IL6ST: variants seen among roughly 807,000 people sequenced by gnomAD.
IL6ST encodes interleukin-6 receptor subunit beta.
In IL6ST, 24 loss-of-function variants were observed where a neutral mutation model predicts 91.3. That is an observed-to-expected ratio of 0.26 (90% CI 0.19 to 0.37). The LOEUF (loss-of-function observed/expected upper bound fraction) is 0.37, where lower values mean the gene tolerates loss of function less well. Among genes scored for constraint, IL6ST ranks in the 10% least tolerant of loss-of-function variants. The pLI is 1.00. For synonymous variants in IL6ST, 351 were observed against 373.6 expected, an observed-to-expected ratio of 0.94 and a Z score of 0.70; for missense variants, 914 against 1,078.5, an observed-to-expected ratio of 0.85 and a Z score of 2.14.
chr5:55,988,908 CA>C (rs1478788216), intron 1 of IL6ST, among the ~76,000 whole-genome samples: 1 of 150,598 alleles, frequency 6.6e-6, no homozygotes, highest in Non-Finnish European at 1.5e-5. Context: ...CCCAGGAGTT[CA>C]AGACCAGCCT....
intron 1 of IL6ST, among the ~76,000 whole-genome samples, chr5:55,985,050 C>T (rs936971090): frequency 2.6e-5 from 4 of 152,150 alleles, no homozygotes; most frequent in Non-Finnish European, 4.4e-5. Flanking sequence ...TTTGAAAGTT[C>T]TAAGAAGATA....
rs1055338308 is a variant in IL6ST, at chr5:55,976,124, A to G, written c.64+91T>C. 14 of 513,444 alleles carry G rather than the reference A, an allele frequency of 2.7e-5. No individual in the cohort carries two copies. In the African/African-American group the frequency reaches 2.8e-4, roughly 10 times the overall value. The allele number at this position is 513,444 out of a possible 1,614,324, so 31.8% of individuals were successfully genotyped here. A position where few individuals can be genotyped will look rare whatever the true frequency, so the allele number is the denominator to read the frequency against. ...ATCCTAGAAAGAATATATGAACATA[A>G]TAATTAAACATAAGCTTAATTATAT... is the stretch of plus-strand genomic sequence containing the variant. On this transcript the variant is annotated intron_variant, in intron 3 of 16. Coordinates refer to ENST00000381298, the MANE Select transcript of IL6ST (RefSeq NM_002184.4).
chr5:55,948,154 G>T (rs1293127148), intron 14 of IL6ST, among the ~76,000 whole-genome samples: 1 of 152,152 alleles, frequency 6.6e-6, no homozygotes, highest in African/African-American at 2.4e-5. Context: ...TTTAGGAGCT[G>T]CTCAATGGGC....
chr5:55,967,871 A>G (rs1752728416), intron 5 of IL6ST, among the ~76,000 whole-genome samples: 2 of 152,070 alleles, frequency 1.3e-5, no homozygotes, highest in African/African-American at 4.8e-5. Context: ...ATCCGGGCTC[A>G]CTGCAACCTC....
At chr5:55,994,402 G>A (rs569090323) in intron 1 of IL6ST, among the ~76,000 whole-genome samples, 4 of 152,124 alleles carry the variant, frequency 2.6e-5, no homozygotes, top group African/African-American at 9.7e-5. Flanking sequence ...AATCCACCTC[G>A]AGAATGAAGA....
At position 55,937,182 on chromosome 5, in the gene IL6ST, T is replaced by C. The variant is rs1475462528; in HGVS notation, c.*3900A>G. On this transcript the variant is annotated 3_prime_UTR_variant, in exon 17 of 17. Transcript: ENST00000381298. ...GTTCAAGAAATAAAAAAAACATCTA[T>C]CACTATCGGCCTTAAATGCATCTCA... 1 of 213,416 alleles carries C rather than the reference T, an allele frequency of 4.7e-6. No individual in the cohort carries two copies. Among genetic ancestry groups the C allele is most frequent in the Non-Finnish European group, 9.5e-6 (1 of 105,518 alleles). 13.2% of individuals were successfully genotyped at this position (213,416 alleles called of 1,614,324 possible).
intron 15 of IL6ST, among the ~76,000 whole-genome samples, chr5:55,945,051 A>AAG (rs1425184968): frequency 6.6e-6 from 1 of 151,584 alleles, no homozygotes; most frequent in African/African-American, 2.4e-5. Context: ...AAAAAAAAAA[A>AAG]AAAAAAAAGA....
intron 1 of IL6ST, among the ~76,000 whole-genome samples, chr5:55,990,492 A>G (rs994519056): frequency 3.3e-5 from 5 of 152,162 alleles, no homozygotes; most frequent in African/African-American, 1.2e-4. Flanking sequence ...TCTCCAGGCT[A>G]TGAAGGTACC....
intron 2 of IL6ST, among the ~76,000 whole-genome samples, chr5:55,981,518 C>T (rs2111893323): frequency 6.6e-6 from 1 of 152,220 alleles, no homozygotes; most frequent in East Asian, 1.9e-4. Flanking sequence ...TGGCGCACAC[C>T]TATAGTCCCA....
chr5:55,950,969 GA>G (rs1035286361), intron 14 of IL6ST, among the ~76,000 whole-genome samples: 26 of 150,908 alleles, frequency 1.7e-4, no homozygotes, highest in Non-Finnish European at 3.3e-4. Flanking sequence ...AAAAAAAGTA[GA>G]AAAAAGATGA....
intron 14 of IL6ST, among the ~76,000 whole-genome samples, chr5:55,948,309 T>A (rs1032567592): frequency 4.6e-5 from 7 of 152,202 alleles, no homozygotes; most frequent in Non-Finnish European, 8.8e-5. Context: ...GGAGATTTTT[T>A]AAATGACTGT....
Position 55,936,566 on chromosome 5 carries a change from T to C in IL6ST, c.*4516A>G, listed in dbSNP as rs899576732. The C allele has an allele frequency of 1.5e-5, 3 of 203,856 alleles. No individual in the cohort carries two copies. The highest frequency in any genetic ancestry group is 6.9e-5 in the African/African-American group (3 of 43,714). 12.6% of individuals were successfully genotyped at this position (203,856 alleles called of 1,614,324 possible). ...ACGAAGCATCTCATTTACACTAAGATGCTTATTTAGCTAACACCACTAATG... is the reference window on the plus strand; with the variant it reads ...ACGAAGCATCTCATTTACACTAAGACGCTTATTTAGCTAACACCACTAATG... On this transcript the variant is annotated 3_prime_UTR_variant, in exon 17 of 17. Transcript: ENST00000381298.
intron 2 of IL6ST, among the ~76,000 whole-genome samples, chr5:55,979,635 T>C (rs563515759): frequency 1.3e-5 from 2 of 152,316 alleles, no homozygotes; most frequent in African/African-American, 2.4e-5. Flanking sequence ...TCCCAATACA[T>C]TGAACACTTT....
chr5:55,957,109 G>A (rs1580811242), intron 9 of IL6ST, 100 bp downstream of exon 9: 1 of 580,428 alleles, frequency 1.7e-6, no homozygotes, highest in South Asian at 2.1e-5. Context: ...AGTGAGCCAA[G>A]ATCACGCCAC....
intron 7 of IL6ST, among the ~76,000 whole-genome samples, chr5:55,960,837 G>C (rs1043683236): frequency 1.3e-5 from 2 of 151,850 alleles, no homozygotes; most frequent in Non-Finnish European, 2.9e-5. Context: ...CACCATGTTG[G>C]CCGGGCTGGT....
chr5:55,978,672 C>T (rs976651003), intron 2 of IL6ST, among the ~76,000 whole-genome samples: 12 of 152,200 alleles, frequency 7.9e-5, no homozygotes, highest in African/African-American at 2.7e-4. Context: ...CTGCAGTGAG[C>T]CGAGGTCACA....
rs1005435134 is a variant in IL6ST, at chr5:55,937,886, A to G, written c.*3196T>C. Reference sequence around the variant, plus strand: ...GAGCAAAATTAGAATGATGTGGACTATAACAGAATGAAGGAAGATCTCTCC... The same window carrying G: ...GAGCAAAATTAGAATGATGTGGACTGTAACAGAATGAAGGAAGATCTCTCC... On this transcript the variant is annotated 3_prime_UTR_variant, in exon 17 of 17. Coordinates refer to ENST00000381298, the MANE Select transcript of IL6ST (RefSeq NM_002184.4). 5 of 198,432 alleles carry G rather than the reference A, an allele frequency of 2.5e-5. No homozygotes were observed. Among genetic ancestry groups the G allele is most frequent in the Admixed American group, 6.0e-5 (1 of 16,600 alleles). The allele number at this position is 198,432 out of a possible 1,614,324, so 12.3% of individuals were successfully genotyped here.
At chr5:55,957,634 T>C (rs1269983874) in intron 8 of IL6ST, among the ~76,000 whole-genome samples, 1 of 152,230 alleles carries the variant, frequency 6.6e-6, no homozygotes, top group Non-Finnish European at 1.5e-5. Flanking sequence ...TTGAATCTCC[T>C]GTACCAGCAG....
chr5:55,949,025 C>T (rs1751447924), intron 14 of IL6ST: 1 of 151,982 alleles, frequency 6.6e-6, no homozygotes, highest in Admixed American at 6.6e-5. Context: ...TAAAATAATA[C>T]TAAGTATAAT....
Sources: gnomAD v4.1 joint callset for allele counts (sites outside exome capture counted in the v4.1 genomes callset) on GRCh38, gnomAD v4.1.1 for gene constraint, MANE v1.5 for transcripts, NCBI Gene and HGNC (gene_info 2026-07-23, HGNC 2026-07-21) for gene names.